LPP: variants seen among roughly 807,000 people sequenced by gnomAD.
The protein encoded by LPP is LIM domain containing preferred translocation partner in lipoma.
In LPP, 38 loss-of-function variants were observed where a neutral mutation model predicts 60.4. The ratio of observed to expected loss-of-function variants is 0.63; its 90% CI spans 0.49 to 0.83. The LOEUF is 0.83. Among genes scored for constraint, LPP ranks in the 40% least tolerant of loss-of-function variants. The pLI is 0.00. For synonymous variants in LPP, 328 were observed against 290.8 expected, an observed-to-expected ratio of 1.13 and a Z score of -1.30; for missense variants, 902 against 783.6, an observed-to-expected ratio of 1.15 and a Z score of -1.80.
At chr3:188,394,551 A>AGTGTGTGTGTGTGTGTGTGTGTGTGT (rs1209092729) in intron 3 of LPP, among the ~76,000 whole-genome samples, 3 of 146,884 alleles carry the variant, frequency 2.0e-5, no homozygotes, top group Admixed American at 6.8e-5. Context: ...AAATATCTAA[A>AGTGTGTGTGTGTGTGTGTGTGTGTGT]GTGTGTGTGT....
At chr3:188,481,181 G>A (rs897895042) in intron 4 of LPP, among the ~76,000 whole-genome samples, 4 of 151,992 alleles carry the variant, frequency 2.6e-5, no homozygotes, top group Non-Finnish European at 4.4e-5. Context: ...AAACTCTCCC[G>A]GTTAGTTTAT....
At chr3:188,358,653 A>G (rs1401608875) in intron 3 of LPP, among the ~76,000 whole-genome samples, 1 of 152,154 alleles carries the variant, frequency 6.6e-6, no homozygotes, top group Non-Finnish European at 1.5e-5. Context: ...TGTTGAGTTT[A>G]GCAGATTCTT....
intron 7 of LPP, among the ~76,000 whole-genome samples, chr3:188,684,107 A>AT (rs1860139509): frequency 6.6e-6 from 1 of 152,238 alleles, no homozygotes; most frequent in Non-Finnish European, 1.5e-5. Flanking sequence ...CAGAAATGAC[A>AT]TAACCATTCT....
Position 188,760,302 on chromosome 3 carries a change from C to T in LPP, c.1410+20C>T, listed in dbSNP as rs748086716. 3 of 1,613,744 alleles carry T rather than the reference C, an allele frequency of 1.9e-6. No individual in the cohort carries two copies. Among genetic ancestry groups the T allele is most frequent in the South Asian group, 2.2e-5 (2 of 91,070 alleles). ...TACATTGTAAGTTCCAGATTTGTTC[C>T]TCAAGCACTTTGCAAAGATGTCTTC... is the stretch of plus-strand genomic sequence containing the variant. On this transcript the variant is annotated intron_variant, in intron 9 of 11. Transcript: ENST00000617246.
intron 4 of LPP, among the ~76,000 whole-genome samples, chr3:188,452,747 A>G (rs1031196833): frequency 2.0e-5 from 3 of 152,206 alleles, no homozygotes; most frequent in African/African-American, 7.2e-5. Flanking sequence ...GCCATCTCAT[A>G]TAAAGCAAGT....
chr3:188,312,239 T>C (rs1160713127), intron 2 of LPP, among the ~76,000 whole-genome samples: 1 of 152,128 alleles, frequency 6.6e-6, no homozygotes, highest in African/African-American at 2.4e-5. Flanking sequence ...TATATACACA[T>C]TTGCATTTCT....
chr3:188,609,835 G>A lies in LPP; in HGVS notation c.1104G>A (p.Leu368=), dbSNP rs1843303919. 1 of 1,609,016 alleles carries A rather than the reference G, an allele frequency of 6.2e-7. No homozygotes were observed. Among genetic ancestry groups the A allele is most frequent in the Non-Finnish European group, 8.5e-7 (1 of 1,178,074 alleles). The part of the protein sequence containing the change: ...DPVSAPCAPP[L]QPKGGHSGQL... Reference sequence around the variant, plus strand: ...TTTCAGCCCCCTGTGCGCCACCATTGCAGCCAAAGGTAAGAAACTCAGTAA... The same window carrying A: ...TTTCAGCCCCCTGTGCGCCACCATTACAGCCAAAGGTAAGAAACTCAGTAA... The change falls in exon 7 of 12, where the codon TTG becomes TTA. Residue 368 remains leucine (L), a synonymous_variant. Transcript: ENST00000617246. This position sits in a 1 kb window ranked among gnomAD's most constrained non-coding sequence, Gnocchi z 6.9.
chr3:188,752,469 T>TA (rs1274240588), intron 8 of LPP, among the ~76,000 whole-genome samples: 3 of 152,236 alleles, frequency 2.0e-5, no homozygotes, highest in Non-Finnish European at 4.4e-5. Flanking sequence ...GTTCAAAAGA[T>TA]AACCATGTAT....
chr3:188,817,850 A>G (rs559634412), intron 9 of LPP, among the ~76,000 whole-genome samples: 2 of 152,348 alleles, frequency 1.3e-5, no homozygotes, highest in South Asian at 4.1e-4. Context: ...AAAGGAATGC[A>G]GCAAGGGAAC....
At chr3:188,846,443 G>A (rs952879881) in intron 9 of LPP, among the ~76,000 whole-genome samples, 1 of 152,150 alleles carries the variant, frequency 6.6e-6, no homozygotes, top group Admixed American at 6.5e-5. Flanking sequence ...CAGCACTTTG[G>A]GAGGCTGAGG....
chr3:188,436,099 A>G (rs1792228039), intron 4 of LPP, among the ~76,000 whole-genome samples: 1 of 152,138 alleles, frequency 6.6e-6, no homozygotes, highest in African/African-American at 2.4e-5. Context: ...ACTTTATTTG[A>G]TCCTTGGAAC....
chr3:188,791,630 C>T (rs80178296), intron 9 of LPP, among the ~76,000 whole-genome samples: 11 of 152,068 alleles, frequency 7.2e-5, no homozygotes, highest in Non-Finnish European at 2.9e-5. Context: ...TTAGTCTATC[C>T]GTAGTCTTTT....
chr3:188,713,787 G>A (rs1712632679), intron 8 of LPP, among the ~76,000 whole-genome samples: 2 of 152,210 alleles, frequency 1.3e-5, no homozygotes, highest in Non-Finnish European at 2.9e-5. Context: ...TGTCACAAAT[G>A]AATTACCTTA....
chr3:188,648,362 C>T (rs879852372), intron 7 of LPP, among the ~76,000 whole-genome samples: 3 of 152,116 alleles, frequency 2.0e-5, no homozygotes, highest in Non-Finnish European at 4.4e-5. Context: ...CCATTGAGCT[C>T]ACAGAGGTTT....
intron 8 of LPP, among the ~76,000 whole-genome samples, chr3:188,736,157 A>T (rs925444958): frequency 6.6e-6 from 1 of 152,206 alleles, no homozygotes; most frequent in Non-Finnish European, 1.5e-5. Flanking sequence ...TCTGATCTGT[A>T]CTGAGAACAG....
At chr3:188,411,774 A>G (rs922132654) in intron 4 of LPP, among the ~76,000 whole-genome samples, 1 of 152,200 alleles carries the variant, frequency 6.6e-6, no homozygotes, top group African/African-American at 2.4e-5. Context: ...CTTTGATGGC[A>G]GAACAGTATA....
chr3:188,673,141 C>T (rs1031730713), intron 7 of LPP, among the ~76,000 whole-genome samples: 2 of 152,004 alleles, frequency 1.3e-5, no homozygotes, highest in African/African-American at 4.8e-5. Context: ...ATTAAACAAC[C>T]TGTGGAAGTT....
chr3:188,766,061 G>A (rs181242994), intron 9 of LPP, among the ~76,000 whole-genome samples: 9 of 150,730 alleles, frequency 6.0e-5, no homozygotes, highest in Non-Finnish European at 7.4e-5. Flanking sequence ...TCATAGAGAC[G>A]GGGTTTAACC....
chr3:188,885,534 A>G lies in LPP; in HGVS notation c.*11055A>G, dbSNP rs1345802177. ...GTGCCACCTTTTCTTAATCCAGTCT[A>G]TCATTGTTGGACATTTGGGTTGGTT... On this transcript the variant is annotated 3_prime_UTR_variant, in exon 12 of 12. Transcript: ENST00000617246. 1.7e-5 allele frequency: 3 copies of G among 177,510 alleles called. No individual in the cohort carries two copies. Among genetic ancestry groups the G allele is most frequent in the Non-Finnish European group, 2.4e-5 (2 of 82,582 alleles). 11.0% of individuals were successfully genotyped at this position (177,510 alleles called of 1,614,324 possible).
Sources: allele counts gnomAD v4.1 joint callset (sites outside exome capture counted in the v4.1 genomes callset), GRCh38; gene constraint gnomAD v4.1.1; non-coding constraint Gnocchi (gnomAD v3.1); transcripts MANE v1.5; gene names NCBI Gene and HGNC (gene_info 2026-07-23, HGNC 2026-07-21).